RPS6KA2: variants seen among roughly 807,000 people sequenced by gnomAD.
The protein encoded by RPS6KA2 is ribosomal protein S6 kinase alpha-2.
A neutral mutation model predicts 91.8 loss-of-function variants in RPS6KA2; 42 were observed. The observed-to-expected ratio is 0.46, with a 90% CI of 0.36 to 0.59. The LOEUF (loss-of-function observed/expected upper bound fraction) is 0.59. RPS6KA2 is among the 20% of genes least tolerant of loss of function. RPS6KA2 has a pLI of 0.00. For missense variants in RPS6KA2, 798 were observed against 978.5 expected (o/e 0.82, Z 2.46); for synonymous variants, 414 against 393.6 (o/e 1.05, Z -0.61).
At chr6:166,761,942 G>A (rs1778183885) in intron 2 of RPS6KA2, among the ~76,000 whole-genome samples, 1 of 152,232 alleles carries the variant, frequency 6.6e-6, no homozygotes, top group Admixed American at 6.5e-5. Context: ...TAAAGCTCCA[G>A]ATGGGGCAGC....
chr6:166,701,762 G>A, intron 2 of RPS6KA2: 1 of 1,152,016 alleles, frequency 8.7e-7, no homozygotes, highest in Non-Finnish European at 1.3e-6. Context: ...AATCATAGAA[G>A]TGATATCATT....
intron 2 of RPS6KA2, among the ~76,000 whole-genome samples, chr6:166,691,722 T>G (rs2128571361): frequency 6.6e-6 from 1 of 152,342 alleles, no homozygotes; most frequent in East Asian, 1.9e-4. Flanking sequence ...TATCTAAATA[T>G]TTCATCTTCA....
intron 2 of RPS6KA2, among the ~76,000 whole-genome samples, chr6:166,673,208 C>T (rs1788524355): frequency 6.6e-6 from 1 of 152,168 alleles, no homozygotes. Flanking sequence ...TCTGAGCCAC[C>T]CTCCTCCACG....
At position 166,495,022 on chromosome 6, in the gene RPS6KA2, G is replaced by A. The variant is rs906174689; in HGVS notation, c.747+3486C>T. 6.6e-6 allele frequency among the ~76,000 whole-genome samples: 1 copy of A among 152,220 alleles called. No individual in the cohort carries two copies. Reference sequence around the variant, plus strand: ...TTCTGATGCCACCCACGGACGTGTGGGAAGCGTGGGGCCTCCACAGTCAAG... The same window carrying A: ...TTCTGATGCCACCCACGGACGTGTGAGAAGCGTGGGGCCTCCACAGTCAAG... On this transcript the variant is annotated intron_variant, in intron 8 of 20. Transcript: ENST00000265678. The surrounding 1 kb of genome is among the most constrained non-coding windows in gnomAD (Gnocchi z 4.4).
chr6:166,531,452 C>T (rs1053142991), intron 2 of RPS6KA2, 139 bp from the exon 3 acceptor site: 6 of 677,108 alleles, frequency 8.9e-6, no homozygotes, highest in Non-Finnish European at 1.5e-5. Flanking sequence ...TTAAAATTTT[C>T]TCCAACGTCA....
At chr6:166,683,860 G>T (rs1157072403) in intron 2 of RPS6KA2, among the ~76,000 whole-genome samples, 1 of 152,234 alleles carries the variant, frequency 6.6e-6, no homozygotes, top group Non-Finnish European at 1.5e-5. Context: ...GGTCCTTGGG[G>T]TGTTCGGCAG....
At chr6:166,468,346 A>G (rs912983903) in intron 11 of RPS6KA2, among the ~76,000 whole-genome samples, 5 of 152,226 alleles carry the variant, frequency 3.3e-5, no homozygotes, top group African/African-American at 1.2e-4. Context: ...AAAGAAGTCT[A>G]ATCTTACGAA....
intron 2 of RPS6KA2, among the ~76,000 whole-genome samples, chr6:166,696,919 G>T (rs1789375339): frequency 6.6e-6 from 1 of 152,172 alleles, no homozygotes; most frequent in Non-Finnish European, 1.5e-5. Context: ...TGGTTTTCAG[G>T]CTTTTGGACT....
In RPS6KA2 at chr6:166,751,333, C is replaced by T. The variant is rs375754106; in HGVS notation, c.123+106867G>A. 3.0e-3 allele frequency among the ~76,000 whole-genome samples: 459 copies of T among 152,350 alleles called. 2 individuals are homozygous for T. Among genetic ancestry groups the T allele is most frequent in the African/African-American group, 0.01 (432 of 41,576 alleles). ...CAGGAATTCAGATGAGTTCCAGGGA[C>T]GGCAGCTGCCAGGGTCCCGTCAAAC... is the stretch of plus-strand genomic sequence containing the variant. On this transcript the variant is annotated intron_variant, in intron 2 of 21. Transcript: ENST00000503859.
intron 1 of RPS6KA2, among the ~76,000 whole-genome samples, chr6:166,564,138 C>CG (rs1562582329): frequency 1.3e-5 from 2 of 152,328 alleles, no homozygotes; most frequent in Non-Finnish European, 2.9e-5. Context: ...TAACATTTCC[C>CG]GGGAAAATGC....
intron 2 of RPS6KA2, among the ~76,000 whole-genome samples, chr6:166,851,626 C>T (rs1244556940): frequency 6.6e-5 from 10 of 152,316 alleles, no homozygotes; most frequent in African/African-American, 1.9e-4. Flanking sequence ...GCTCTCAGAC[C>T]ACGGGACACA....
chr6:166,815,781 C>A (rs1099651), intron 2 of RPS6KA2, among the ~76,000 whole-genome samples: 93,655 of 152,026 alleles, frequency 0.62, 30,582 homozygotes, highest in Non-Finnish European at 0.74. Context: ...ATAGAATGAA[C>A]ACAAAAGTTT....
intron 2 of RPS6KA2, among the ~76,000 whole-genome samples, chr6:166,842,387 C>T (rs1024094871): frequency 6.8e-6 from 1 of 146,152 alleles, no homozygotes; most frequent in Non-Finnish European, 1.5e-5. Flanking sequence ...AGAGAGAATC[C>T]CACCAGCCAA....
rs1350668708 is a variant in RPS6KA2 at position 166,490,697 on chromosome 6, C to T, written c.792G>A (p.Arg264=). 4 of 1,612,654 alleles carry T rather than the reference C, an allele frequency of 2.5e-6. 1 individual carries two copies. In the East Asian group the frequency reaches 8.9e-5, roughly 36 times the overall value. Residue 264 remains arginine (R), a synonymous_variant, in exon 9 of 21, where the codon AGG becomes AGA. Coordinates refer to ENST00000265678, the MANE Select transcript of RPS6KA2 (RefSeq NM_021135.6). The surrounding 1 kb of genome is among the most constrained non-coding windows in gnomAD (Gnocchi z 4.2). ...TGAGGATGAGAGCCATGGTCTCCTTCCTGTCCTTCCCCTGGAACGGCAGGG... is the reference window on the plus strand; with the variant it reads ...TGAGGATGAGAGCCATGGTCTCCTTTCTGTCCTTCCCCTGGAACGGCAGGG... The part of the protein sequence containing the change: ...TGSLPFQGKD[R]KETMALILKA...
At chr6:166,829,613 A>G (rs913210188) in intron 2 of RPS6KA2, among the ~76,000 whole-genome samples, 1 of 116,902 alleles carries the variant, frequency 8.6e-6, no homozygotes, top group African/African-American at 2.8e-5. Context: ...AAAAAAAAAA[A>G]AAAAATTATT....
At position 166,447,594 on chromosome 6, in the gene RPS6KA2, T is replaced by C. The variant is rs553917925; in HGVS notation, c.1332+1130A>G. The stretch of plus-strand genomic sequence containing the variant: ...GAGGATCCCAGGCCATGCTTGAGGA[T>C]CTACCCTTTTGAAATACCTGTTTTC... On this transcript the variant is annotated intron_variant, in intron 14 of 20. Transcript: ENST00000265678. 4.6e-5 allele frequency among the ~76,000 whole-genome samples: 7 copies of C among 152,314 alleles called. No homozygotes were observed. The East Asian group carries it at 5.8e-4, about 13-fold the overall frequency.
At chr6:166,773,648 C>T (rs1778539276) in intron 2 of RPS6KA2, among the ~76,000 whole-genome samples, 1 of 152,220 alleles carries the variant, frequency 6.6e-6, no homozygotes. Flanking sequence ...GATCTGCCTG[C>T]TTTGGCCTCC....
chr6:166,829,579 G>T (rs973870948), intron 2 of RPS6KA2, among the ~76,000 whole-genome samples: 1 of 105,692 alleles, frequency 9.5e-6, no homozygotes, highest in Non-Finnish European at 1.8e-5. Flanking sequence ...AACAGAGCGA[G>T]ACTCTGTCTC....
chr6:166,770,894 G>A lies in RPS6KA2; in HGVS notation c.123+87306C>T. Reference sequence around the variant, plus strand: ...GGATCCAGCTACCTTTGTCTTGCAGGCAGCTGAGTCACTTTTGCCCTGTGA... The same window carrying A: ...GGATCCAGCTACCTTTGTCTTGCAGACAGCTGAGTCACTTTTGCCCTGTGA... On this transcript the variant is annotated intron_variant, in intron 2 of 21. Coordinates refer to the RPS6KA2 transcript ENST00000503859. This position sits in a 1 kb window ranked among gnomAD's most constrained non-coding sequence, Gnocchi z 5.1. The A allele has an allele frequency of 6.3e-7, 1 of 1,597,412 alleles. No homozygotes were observed. Among genetic ancestry groups the A allele is most frequent in the South Asian group, 1.1e-5 (1 of 90,738 alleles).
Sources: gnomAD v4.1 joint callset for allele counts (sites outside exome capture counted in the v4.1 genomes callset) on GRCh38, gnomAD v4.1.1 for gene constraint, Gnocchi (gnomAD v3.1) non-coding constraint, MANE v1.5 for transcripts, NCBI Gene and HGNC (gene_info 2026-07-23, HGNC 2026-07-21) for gene names.